Variants in MAP6 observed in about 807,000 individuals in gnomAD.
MAP6 encodes the protein microtubule-associated protein 6.
In MAP6, 26 loss-of-function variants were observed where a neutral mutation model predicts 42.4. The observed-to-expected ratio is 0.61, with a 90% confidence interval of 0.45 to 0.85. The LOEUF (loss-of-function observed/expected upper bound fraction) is 0.85. MAP6 is among the 40% of genes least tolerant of loss of function. MAP6 has a pLI of 0.00. For missense variants in MAP6, 966 were observed against 1,099.0 expected, an observed-to-expected ratio of 0.88 and a Z score of 1.71; for synonymous variants, 418 against 443.8, an observed-to-expected ratio of 0.94 and a Z score of 0.73.
At chr11:75,643,695 C>A (rs959640221) in intron 1 of MAP6, among the ~76,000 whole-genome samples, 1 of 152,216 alleles carries the variant, frequency 6.6e-6, no homozygotes, top group Non-Finnish European at 1.5e-5. Flanking sequence ...TTCCTGAGCA[C>A]ATGTTATGTT....
intron 1 of MAP6, among the ~76,000 whole-genome samples, chr11:75,641,114 G>A (rs1208308772): frequency 1.3e-5 from 2 of 152,152 alleles, no homozygotes; most frequent in Non-Finnish European, 2.9e-5. Context: ...ACTGGATTAA[G>A]AAAATGTGGC....
intron 1 of MAP6, among the ~76,000 whole-genome samples, chr11:75,633,847 G>A (rs1385683683): frequency 6.6e-6 from 1 of 152,228 alleles, no homozygotes; most frequent in Non-Finnish European, 1.5e-5. Flanking sequence ...GCAGAGTGGG[G>A]AGGGCCTTGG....
chr11:75,649,468 A>G (rs1177951652), intron 1 of MAP6, among the ~76,000 whole-genome samples: 4 of 151,670 alleles, frequency 2.6e-5, no homozygotes, highest in Admixed American at 6.6e-5. Flanking sequence ...AGTGGGGGGG[A>G]AAAATAACAA....
At chr11:75,624,576 C>CT (rs138368034) in intron 1 of MAP6, among the ~76,000 whole-genome samples, 2,337 of 152,276 alleles carry the variant, frequency 0.015, 35 homozygotes, top group Non-Finnish European at 0.024. Context: ...CTGTAGATGC[C>CT]TGAAGCATGT....
At chr11:75,631,525 A>G (rs1020271584) in intron 1 of MAP6, among the ~76,000 whole-genome samples, 2 of 152,186 alleles carry the variant, frequency 1.3e-5, no homozygotes, top group African/African-American at 4.8e-5. Context: ...GAGACGGTAC[A>G]AATGCACTTG....
intron 3 of MAP6, chr11:75,603,056 C>A: frequency 1.0e-6 from 1 of 985,718 alleles, no homozygotes; most frequent in Non-Finnish European, 1.2e-6. Context: ...TGGTATGCAA[C>A]AAAACCCAGG....
intron 1 of MAP6, among the ~76,000 whole-genome samples, chr11:75,624,399 CG>C: frequency 6.6e-6 from 1 of 152,226 alleles, no homozygotes; most frequent in South Asian, 2.1e-4. Context: ...GAGGGGTGGG[CG>C]GCACTTACAT....
At chr11:75,632,736 C>T (rs1047407731) in intron 1 of MAP6, among the ~76,000 whole-genome samples, 6 of 152,098 alleles carry the variant, frequency 3.9e-5, no homozygotes, top group South Asian at 2.1e-4. Flanking sequence ...GTTATGACTG[C>T]GTAATGTGGA....
intron 1 of MAP6, among the ~76,000 whole-genome samples, chr11:75,647,367 A>AAC: frequency 7.0e-6 from 1 of 143,192 alleles, no homozygotes; most frequent in South Asian, 2.2e-4. Flanking sequence ...AAAAAAAAAA[A>AAC]CCCACAAAAA....
intron 1 of MAP6, among the ~76,000 whole-genome samples, chr11:75,637,201 A>G (rs1189230011): frequency 6.6e-6 from 1 of 152,226 alleles, no homozygotes; most frequent in Non-Finnish European, 1.5e-5. Flanking sequence ...ATTTTAAATC[A>G]ATTTTCAAGC....
intron 3 of MAP6, among the ~76,000 whole-genome samples, chr11:75,597,469 C>A (rs1427822869): frequency 6.6e-6 from 1 of 152,214 alleles, no homozygotes; most frequent in Non-Finnish European, 1.5e-5. Context: ...TGTTTTAGCA[C>A]CAAGAAGGCA....
At chr11:75,628,679 C>T (rs535179875) in intron 1 of MAP6, among the ~76,000 whole-genome samples, 1 of 152,310 alleles carries the variant, frequency 6.6e-6, no homozygotes, top group Non-Finnish European at 1.5e-5. Flanking sequence ...TATTTCCTGA[C>T]ATTTGCCAAG....
At chr11:75,590,809 A>G (rs552134510) in intron 3 of MAP6, among the ~76,000 whole-genome samples, 4 of 152,236 alleles carry the variant, frequency 2.6e-5, no homozygotes, top group Non-Finnish European at 2.9e-5. Context: ...TCTACTAAAA[A>G]TACAAAAATT....
chr11:75,590,095 G>C (rs1329449358), intron 3 of MAP6, among the ~76,000 whole-genome samples: 1 of 152,190 alleles, frequency 6.6e-6, no homozygotes, highest in African/African-American at 2.4e-5. Flanking sequence ...TAGGACCTTA[G>C]TGTTTGAGAA....
chr11:75,668,195 G>A lies in MAP6; in HGVS notation c.175C>T (p.Pro59Ser), dbSNP rs1943998467. ...PQQQAQPALA[P>S]PSARAVAIET... ...ATGGCAACCGCGCGCGCCGAGGGGG[G>A]CGCGAGCGCCGGCTGCGCCTGCTGC... is the stretch of plus-strand genomic sequence containing the variant. The change falls in exon 1 of 4, where the codon CCC becomes TCC. Residue 59 changes from proline (P) to serine (S), a missense_variant. Around this residue, in one of 2 missense-constraint regions of MAP6, gnomAD observed 943 missense variants for 1,049.9 expected, o/e 0.90. Coordinates refer to ENST00000304771, the MANE Select transcript of MAP6 (RefSeq NM_033063.2). 4 of 1,252,522 alleles carry A rather than the reference G, an allele frequency of 3.2e-6. No homozygotes were observed. Among genetic ancestry groups the A allele is most frequent in the Non-Finnish European group, 3.0e-6 (3 of 1,006,478 alleles). The allele number at this position is 1,252,522 out of a possible 1,614,324, so 77.6% of individuals were successfully genotyped here. A position where few individuals can be genotyped will look rare whatever the true frequency, so the allele number is the denominator to read the frequency against.
chr11:75,603,895 T>C lies in MAP6; in HGVS notation c.1316+1913A>G, dbSNP rs1030911592. 7.1e-6 allele frequency: 7 copies of C among 985,350 alleles called. No individual in the cohort carries two copies. In the African/African-American group the frequency reaches 1.2e-4, roughly 17 times the overall value. The allele number at this position is 985,350 out of a possible 1,614,324, so 61.0% of individuals were successfully genotyped here. ...TGTGGCTAGCATCAACATGTCTGACTAATGCCAAATCTTGAGAGACTGAAC... is the reference window on the plus strand; with the variant it reads ...TGTGGCTAGCATCAACATGTCTGACCAATGCCAAATCTTGAGAGACTGAAC... On this transcript the variant is annotated intron_variant, in intron 3 of 3. Coordinates refer to ENST00000304771, the MANE Select transcript of MAP6 (RefSeq NM_033063.2).
At chr11:75,639,744 A>C (rs944761678) in intron 1 of MAP6, among the ~76,000 whole-genome samples, 1 of 152,242 alleles carries the variant, frequency 6.6e-6, no homozygotes, top group African/African-American at 2.4e-5. Context: ...TTAGGAGTGG[A>C]GGGAGAAAAC....
rs906844366 is a variant in MAP6, at chr11:75,603,330, A to G, written c.1316+2478T>C. On this transcript the variant is annotated intron_variant, in intron 3 of 3. Transcript: ENST00000304771. ...TCACCTTCAGGAAGGCAACACCCAA[A>G]CACTGCTTGTGGAACCAAAATCAGT... 3 of 985,722 alleles carry G rather than the reference A, an allele frequency of 3.0e-6. No homozygotes were observed. In the African/African-American group the frequency reaches 5.2e-5, roughly 17 times the overall value. 61.1% of individuals were successfully genotyped at this position (985,722 alleles called of 1,614,324 possible).
Position 75,587,939 on chromosome 11 carries a change from A to G in MAP6, c.1562T>C (p.Val521Ala). ...VPEPLKNESP[V>A]ISAPVKDQGP... ...TTGGTCCTTGACTGGTGCTGAGATA[A>G]CAGGGCTTTCATTCTTTAAAGGCTC... Residue 521 changes from valine (V) to alanine (A), a missense_variant, in exon 4 of 4, where the codon GTT (valine) becomes GCT (alanine). Physicochemically the swap from Val to Ala is moderately conservative, Grantham distance 64. Coordinates refer to ENST00000304771, the MANE Select transcript of MAP6 (RefSeq NM_033063.2). The G allele has an allele frequency of 6.2e-7, 1 of 1,614,090 alleles. No individual in the cohort carries two copies.
Sources: allele counts gnomAD v4.1 joint callset (sites outside exome capture counted in the v4.1 genomes callset), GRCh38; gene constraint gnomAD v4.1.1; regional missense constraint gnomAD v4.1.1; transcripts MANE v1.5; gene names NCBI Gene and HGNC (gene_info 2026-07-23, HGNC 2026-07-21).